SRRM4: variants seen among roughly 807,000 people sequenced by gnomAD.
The protein encoded by SRRM4 is serine/arginine repetitive matrix protein 4.
A neutral mutation model predicts 68.9 loss-of-function variants in SRRM4; 33 were observed. That is an observed-to-expected ratio of 0.48 (90% CI 0.36 to 0.64). The LOEUF (loss-of-function observed/expected upper bound fraction) is 0.64, where lower values mean the gene tolerates loss of function less well. SRRM4 is among the 30% of genes least tolerant of loss of function. The pLI is 0.00. For missense variants in SRRM4, 817 were observed against 827.1 expected (o/e 0.99, Z 0.15); for synonymous variants, 318 against 318.8 (o/e 1.00, Z 0.03).
At chr12:119,064,226 G>T (rs1214677811) in intron 1 of SRRM4, among the ~76,000 whole-genome samples, 3 of 152,086 alleles carry the variant, frequency 2.0e-5, no homozygotes, top group Non-Finnish European at 4.4e-5. Context: ...CATTCCCAAG[G>T]GGTATATCCT....
At chr12:119,025,670 C>T (rs1374141342) in intron 1 of SRRM4, among the ~76,000 whole-genome samples, 5 of 151,900 alleles carry the variant, frequency 3.3e-5, no homozygotes, top group Admixed American at 3.3e-4. Flanking sequence ...TCTCAAACTC[C>T]CGACCTCAGG....
At chr12:119,046,089 C>A (rs1036208699) in intron 1 of SRRM4, among the ~76,000 whole-genome samples, 1 of 151,510 alleles carries the variant, frequency 6.6e-6, no homozygotes, top group Non-Finnish European at 1.5e-5. Flanking sequence ...ATTAACAATC[C>A]CAGCGACCCA....
intron 1 of SRRM4, among the ~76,000 whole-genome samples, chr12:119,087,331 C>A (rs58618756): frequency 4.1e-4 from 62 of 152,232 alleles, no homozygotes; most frequent in African/African-American, 1.1e-3. Flanking sequence ...TCATAAAATC[C>A]AACCATAGAG....
chr12:119,151,330 G>A, intron 10 of SRRM4, 110 bp downstream of exon 10: 1 of 1,027,122 alleles, frequency 9.7e-7, no homozygotes. Context: ...ACTTAGGTTT[G>A]AATACTCGTT....
At chr12:119,020,883 A>G (rs1299452337) in intron 1 of SRRM4, among the ~76,000 whole-genome samples, 2 of 152,208 alleles carry the variant, frequency 1.3e-5, no homozygotes, top group Non-Finnish European at 2.9e-5. Context: ...TTCTCTTCCA[A>G]CGAGAGAATA....
At chr12:119,019,803 G>A (rs1953503126) in intron 1 of SRRM4, among the ~76,000 whole-genome samples, 1 of 152,108 alleles carries the variant, frequency 6.6e-6, no homozygotes, top group Non-Finnish European at 1.5e-5. Context: ...GAGGTAGAAG[G>A]AGGATGTTTG....
chr12:119,020,054 G>A (rs781655323), intron 1 of SRRM4, among the ~76,000 whole-genome samples: 1 of 149,502 alleles, frequency 6.7e-6, no homozygotes, highest in Non-Finnish European at 1.5e-5. Flanking sequence ...GCTTTCTCTG[G>A]GTGGCACAGT....
chr12:119,110,946 C>T (rs1446920395), intron 2 of SRRM4, among the ~76,000 whole-genome samples: 1 of 152,200 alleles, frequency 6.6e-6, no homozygotes, highest in African/African-American at 2.4e-5. Context: ...ATTCGGCCAC[C>T]TTGGAACCTC....
chr12:119,144,468 A>G (rs1285701195), intron 8 of SRRM4: 1 of 152,108 alleles, frequency 6.6e-6, no homozygotes, highest in Non-Finnish European at 1.5e-5. Flanking sequence ...TTTCTTGTCA[A>G]TTGCGACTCT....
At chr12:118,985,044 C>T (rs1221355622) in intron 1 of SRRM4, among the ~76,000 whole-genome samples, 1 of 152,164 alleles carries the variant, frequency 6.6e-6, no homozygotes, top group Non-Finnish European at 1.5e-5. Flanking sequence ...TAGACATTGA[C>T]TCTGGAACAA....
intron 2 of SRRM4, among the ~76,000 whole-genome samples, chr12:119,107,583 C>T (rs1327920787): frequency 6.6e-6 from 1 of 152,156 alleles, no homozygotes; most frequent in Non-Finnish European, 1.5e-5. Context: ...TCCATTTCTT[C>T]TAGATTTTCT....
chr12:119,115,280 A>T (rs73213757), intron 3 of SRRM4, among the ~76,000 whole-genome samples: 5,977 of 152,050 alleles, frequency 0.039, 134 homozygotes, highest in African/African-American at 0.056. Flanking sequence ...ACTCTTTGGT[A>T]TCCTATGCAT....
At chr12:119,024,231 A>G (rs1382600458) in intron 1 of SRRM4, among the ~76,000 whole-genome samples, 1 of 152,154 alleles carries the variant, frequency 6.6e-6, no homozygotes, top group Non-Finnish European at 1.5e-5. Flanking sequence ...GAAGTCATCC[A>G]ACATGTTGAG....
chr12:119,034,766 C>G (rs1953615342), intron 1 of SRRM4, among the ~76,000 whole-genome samples: 1 of 152,174 alleles, frequency 6.6e-6, no homozygotes, highest in Non-Finnish European at 1.5e-5. Flanking sequence ...GAATTATTTG[C>G]TTGTGGACAC....
intron 8 of SRRM4, among the ~76,000 whole-genome samples, chr12:119,134,883 G>T (rs956000226): frequency 6.6e-6 from 1 of 152,220 alleles, no homozygotes; most frequent in African/African-American, 2.4e-5. Flanking sequence ...GCTGGGCTTT[G>T]AAGGATGCAT....
intron 3 of SRRM4, among the ~76,000 whole-genome samples, chr12:119,116,672 G>T (rs1301741751): frequency 3.3e-5 from 5 of 152,120 alleles, no homozygotes; most frequent in Non-Finnish European, 5.9e-5. Context: ...TGTGTGAAAG[G>T]ATTGAATGAG....
chr12:119,078,231 A>G (rs999460341), intron 1 of SRRM4, among the ~76,000 whole-genome samples: 3 of 152,142 alleles, frequency 2.0e-5, no homozygotes, highest in African/African-American at 7.2e-5. Flanking sequence ...ACTCTATTCA[A>G]CCCTTATGTC....
chr12:119,072,243 C>G (rs1953882034), intron 1 of SRRM4, among the ~76,000 whole-genome samples: 1 of 152,148 alleles, frequency 6.6e-6, no homozygotes, highest in Non-Finnish European at 1.5e-5. Context: ...ATTCCTTTCC[C>G]CCTACTTATT....
chr12:119,014,135 T>A (rs927792174), intron 1 of SRRM4, among the ~76,000 whole-genome samples: 3 of 152,230 alleles, frequency 2.0e-5, no homozygotes, highest in Non-Finnish European at 4.4e-5. Flanking sequence ...TGCATGTTTG[T>A]TGATAATCTT....
Sources: allele counts gnomAD v4.1 joint callset (sites outside exome capture counted in the v4.1 genomes callset), GRCh38; gene constraint gnomAD v4.1.1; transcripts MANE v1.5; gene names NCBI Gene and HGNC (gene_info 2026-07-23, HGNC 2026-07-21).